CLVS1: variants seen among roughly 807,000 people sequenced by gnomAD.
CLVS1 encodes clavesin 1, also known as clavesin-1.
Under a neutral mutation model 33.1 loss-of-function variants are expected in CLVS1, and 10 were observed. The ratio of observed to expected loss-of-function variants is 0.30; its 90% CI spans 0.19 to 0.51. The LOEUF is 0.51. Among genes scored for constraint, CLVS1 ranks in the 20% least tolerant of loss-of-function variants. The pLI is 0.97. For synonymous variants in CLVS1, 163 were observed against 166.1 expected (o/e 0.98, Z 0.14); for missense variants, 343 against 433.4 (o/e 0.79, Z 1.85).
chr8:61,449,150 G>T (rs1816864633), intron 3 of CLVS1, among the ~76,000 whole-genome samples: 1 of 152,136 alleles, frequency 6.6e-6, no homozygotes, highest in Non-Finnish European at 1.5e-5. Flanking sequence ...CACCCAAGTA[G>T]GGAGGGCCTC....
chr8:61,106,491 G>A (rs775750419), intron 1 of CLVS1, among the ~76,000 whole-genome samples: 2 of 152,326 alleles, frequency 1.3e-5, no homozygotes, highest in East Asian at 1.9e-4. Flanking sequence ...CAAGCTGGAC[G>A]GTGGGGCAGC....
At chr8:61,465,228 A>G (rs1817504901) in intron 5 of CLVS1, 1 of 152,040 alleles carries the variant, frequency 6.6e-6, no homozygotes, top group African/African-American at 2.4e-5. Context: ...CCGTTACCCG[A>G]CCCCCATAGT....
intron 3 of CLVS1, among the ~76,000 whole-genome samples, chr8:61,388,438 T>C (rs552040809): frequency 6.6e-6 from 1 of 151,852 alleles, no homozygotes; most frequent in African/African-American, 2.4e-5. Context: ...AATGTCTATA[T>C]TTAGAATTTA....
In CLVS1 at chr8:61,458,570, C is replaced by G. The variant is rs750930447; in HGVS notation, c.977+28C>G. On this transcript the variant is annotated intron_variant, in intron 5 of 5. Coordinates refer to ENST00000325897, the MANE Select transcript of CLVS1 (RefSeq NM_173519.3). Reference sequence around the variant, plus strand: ...AAGGCCTGGGTTATCAGAGCCCCCCCCCCAGTCAGAGGTCAATGGAATTTT... The same window carrying G: ...AAGGCCTGGGTTATCAGAGCCCCCCGCCCAGTCAGAGGTCAATGGAATTTT... The G allele has an allele frequency of 3.3e-5, 48 of 1,470,464 alleles. No homozygotes were observed. In the East Asian group the frequency reaches 6.2e-4, roughly 19 times the overall value. The allele number at this position is 1,470,464 out of a possible 1,614,324, so 91.1% of individuals were successfully genotyped here. A position where few individuals can be genotyped will look rare whatever the true frequency, so the allele number is the denominator to read the frequency against.
At chr8:61,396,686 G>T (rs375017147) in intron 3 of CLVS1, among the ~76,000 whole-genome samples, 1 of 152,058 alleles carries the variant, frequency 6.6e-6, no homozygotes, top group African/African-American at 2.4e-5. Flanking sequence ...ATCATTCTCC[G>T]TTTATTACTC....
chr8:61,442,188 T>C (rs1249727011), intron 3 of CLVS1, among the ~76,000 whole-genome samples: 1 of 152,198 alleles, frequency 6.6e-6, no homozygotes, highest in Non-Finnish European at 1.5e-5. Context: ...ATAAATGGAA[T>C]CATAGAGTAT....
chr8:61,016,506 C>A, the CLVS1 span, among the ~76,000 whole-genome samples: 1 of 152,224 alleles, frequency 6.6e-6, no homozygotes, highest in African/African-American at 2.4e-5. Flanking sequence ...TGACTACTGA[C>A]AGTGGGAACA....
chr8:61,120,557 G>C (rs1389925018), intron 1 of CLVS1, among the ~76,000 whole-genome samples: 17 of 86,064 alleles, frequency 2.0e-4, no homozygotes, highest in Middle Eastern at 8.6e-3. Flanking sequence ...TTTTGGTGTG[G>C]ATGTCCTTTG....
At chr8:61,019,907 C>T in the CLVS1 span, among the ~76,000 whole-genome samples, 1 of 152,278 alleles carries the variant, frequency 6.6e-6, no homozygotes, top group Admixed American at 6.5e-5. Context: ...GAGAGCTAAA[C>T]AATTTCAGGG....
chr8:61,447,956 T>G (rs1289009439), intron 3 of CLVS1, among the ~76,000 whole-genome samples: 1 of 152,096 alleles, frequency 6.6e-6, no homozygotes, highest in Non-Finnish European at 1.5e-5. Flanking sequence ...GGCAACAAAT[T>G]TGCTTAGTTT....
chr8:60,980,359 T>A, the CLVS1 span, among the ~76,000 whole-genome samples: 1 of 152,140 alleles, frequency 6.6e-6, no homozygotes, highest in Non-Finnish European at 1.5e-5. Flanking sequence ...AAGCATTTTA[T>A]GTCTCTATGT....
chr8:61,314,479 G>A (rs984270632), intron 2 of CLVS1, among the ~76,000 whole-genome samples: 13 of 151,924 alleles, frequency 8.6e-5, no homozygotes, highest in African/African-American at 3.1e-4. Context: ...ATTTAGGGCT[G>A]GTTCAAAACA....
chr8:61,164,469 G>T (rs67650071), intron 2 of CLVS1, among the ~76,000 whole-genome samples: 1 of 152,070 alleles, frequency 6.6e-6, no homozygotes, highest in Admixed American at 6.5e-5. Flanking sequence ...TGCGATTCCC[G>T]CTGTCTTCTT....
intron 3 of CLVS1, among the ~76,000 whole-genome samples, chr8:61,401,251 G>A (rs1212397730): frequency 1.3e-5 from 2 of 150,958 alleles, no homozygotes; most frequent in East Asian, 3.9e-4. Context: ...TTCCCAATCT[G>A]GATACATTTT....
intron 1 of CLVS1, among the ~76,000 whole-genome samples, chr8:61,126,378 T>C (rs1805972832): frequency 6.6e-6 from 1 of 152,320 alleles, no homozygotes; most frequent in Middle Eastern, 3.4e-3. Context: ...CTGGGTTTGG[T>C]GGTTAACCAT....
At chr8:61,473,046 A>C (rs1227666032) in intron 5 of CLVS1, among the ~76,000 whole-genome samples, 2 of 152,188 alleles carry the variant, frequency 1.3e-5, no homozygotes, top group Non-Finnish European at 2.9e-5. Context: ...AAAGTGTACC[A>C]TGAGGATACA....
intron 2 of CLVS1, among the ~76,000 whole-genome samples, chr8:61,365,021 C>G (rs999337774): frequency 1.2e-4 from 18 of 152,102 alleles, no homozygotes; most frequent in African/African-American, 4.3e-4. Flanking sequence ...AGAGTGACTG[C>G]AGAATATCAT....
At chr8:61,347,325 A>T (rs1383001256) in intron 2 of CLVS1, among the ~76,000 whole-genome samples, 2 of 152,108 alleles carry the variant, frequency 1.3e-5, no homozygotes, top group African/African-American at 4.8e-5. Flanking sequence ...GCAGAGATGA[A>T]GATGACTGAA....
intron 2 of CLVS1, among the ~76,000 whole-genome samples, chr8:61,164,574 G>A (rs764661944): frequency 6.6e-6 from 1 of 152,040 alleles, no homozygotes; most frequent in Admixed American, 6.5e-5. Flanking sequence ...ATATTAAAAG[G>A]CTAGAGTGGG....
Sources: gnomAD v4.1 joint callset for allele counts (sites outside exome capture counted in the v4.1 genomes callset) on GRCh38, gnomAD v4.1.1 for gene constraint, MANE v1.5 for transcripts, NCBI Gene and HGNC (gene_info 2026-07-23, HGNC 2026-07-21) for gene names.